The following GRIN2A variants were observed in gnomAD, a reference collection of about 807,000 sequenced individuals.
GRIN2A encodes glutamate ionotropic receptor NMDA type subunit 2A.
A neutral mutation model predicts 113.4 loss-of-function variants in GRIN2A; 22 were observed. That is an observed-to-expected ratio of 0.19 (90% confidence interval 0.14 to 0.28). The LOEUF (loss-of-function observed/expected upper bound fraction) is 0.28. GRIN2A is among the 10% of genes least tolerant of loss of function. The pLI, the probability that GRIN2A is intolerant of heterozygous loss-of-function variation, is 1.00. For missense variants in GRIN2A, 1,502 were observed against 1,887.0 expected (o/e 0.80, Z 3.78); for synonymous variants, 827 against 738.4 (o/e 1.12, Z -1.94).
At chr16:10,181,285 C>A (rs890549169) in intron 1 of GRIN2A, among the ~76,000 whole-genome samples, 2 of 150,308 alleles carry the variant, frequency 1.3e-5, no homozygotes, top group Non-Finnish European at 3.0e-5. Context: ...GGAGAGTAGG[C>A]GCGTCCCCCC....
In GRIN2A at chr16:9,952,000, T is replaced by C. The variant is rs1306583627; in HGVS notation, c.415-13449A>G. Among the ~76,000 whole-genome samples the C allele has an allele frequency of 2.0e-5, 3 of 152,248 alleles. No individual in the cohort carries two copies. The South Asian group carries it at 6.2e-4, about 32-fold the overall frequency. ...CCAGTGACCTCCCAGCCCCCAACGA[T>C]ACCGCTCACCCTTGGGTATTTCATA... On this transcript the variant is annotated intron_variant, in intron 2 of 12. Transcript: ENST00000330684.
At chr16:10,161,554 C>T (rs79068357) in intron 2 of GRIN2A, among the ~76,000 whole-genome samples, 3,163 of 152,304 alleles carry the variant, frequency 0.021, 132 homozygotes, top group African/African-American at 0.071. Context: ...AGAGAAAAGG[C>T]CACAAAGGGC....
In GRIN2A at chr16:9,849,861, A is replaced by G. The variant is rs1431001691; in HGVS notation, c.1223T>C (p.Ile408Thr). The G allele has an allele frequency of 6.2e-7, 1 of 1,613,860 alleles. No individual in the cohort carries two copies. Among genetic ancestry groups the G allele is most frequent in the Non-Finnish European group, 8.5e-7 (1 of 1,179,954 alleles). Residue 408 changes from isoleucine (I) to threonine (T), a missense_variant, in exon 5 of 13, where the codon ATC (isoleucine) becomes ACC (threonine). By Grantham distance (89) the Ile-to-Thr change is moderately conservative. Transcript: ENST00000330684. The part of the protein sequence containing the change: ...DCEPDDNHLS[I>T]VTLEEAPFVI... ...GAATGGGGCCTCCTCCAGGGTGACGATGCTGAGATGGTTGTCATCCGGCTC... is the reference window on the plus strand; with the variant it reads ...GAATGGGGCCTCCTCCAGGGTGACGGTGCTGAGATGGTTGTCATCCGGCTC...
rs550081444 is a variant in GRIN2A, at chr16:9,757,740, T to C, written c.*5409A>G. On this transcript the variant is annotated 3_prime_UTR_variant, in exon 13 of 13. Coordinates refer to ENST00000330684, the MANE Select transcript of GRIN2A (RefSeq NM_001134407.3). ...TTTGAGGTTTTAAACAATATCCCTG[T>C]TGATTTTTCCTAAGGAGACGGTCTC... 4.6e-6 allele frequency: 1 copy of C among 216,918 alleles called. No individual in the cohort carries two copies. The highest frequency in any genetic ancestry group is 1.9e-4 in the South Asian group (1 of 5,384). The allele number at this position is 216,918 out of a possible 1,614,324, so 13.4% of individuals were successfully genotyped here. A position where few individuals can be genotyped will look rare whatever the true frequency, so the allele number is the denominator to read the frequency against.
intron 2 of GRIN2A, among the ~76,000 whole-genome samples, chr16:9,967,904 T>A (rs1232364288): frequency 6.6e-6 from 1 of 152,092 alleles, no homozygotes; most frequent in Admixed American, 6.5e-5. Context: ...ATTAAAAAAA[T>A]TTTAAAACAG....
chr16:9,763,621 G>A lies in GRIN2A; in HGVS notation c.3923C>T (p.Ser1308Phe), dbSNP rs1393526899. Reference sequence around the variant, plus strand: ...CCTGTCCTTGAGGCTTATGCTCCGGGAGGGCCTGCTAAGGTCTAGCTCCCT... The same window carrying A: ...CCTGTCCTTGAGGCTTATGCTCCGGAAGGGCCTGCTAAGGTCTAGCTCCCT... Reference protein sequence around the residue: ...KPRELDLSRPSRSISLKDRER... With the variant: ...KPRELDLSRPFRSISLKDRER... The change falls in exon 13 of 13, where the codon TCC becomes TTC. Residue 1308 changes from serine to phenylalanine, a missense_variant. Physicochemically the swap from Ser to Phe is radical, Grantham distance 155. This residue lies in a region of GRIN2A where 832 missense variants were observed against 789.7 expected (regional missense o/e 1.05). Coordinates refer to ENST00000330684, the MANE Select transcript of GRIN2A (RefSeq NM_001134407.3). 1 of 1,613,354 alleles carries A rather than the reference G, an allele frequency of 6.2e-7. No individual in the cohort carries two copies. Among genetic ancestry groups the A allele is most frequent in the Non-Finnish European group, 8.5e-7 (1 of 1,180,002 alleles).
At chr16:9,974,633 T>C (rs2045740152) in intron 2 of GRIN2A, among the ~76,000 whole-genome samples, 1 of 152,178 alleles carries the variant, frequency 6.6e-6, no homozygotes, top group Admixed American at 6.5e-5. Flanking sequence ...GAGTTTTGTC[T>C]GCGGCTCGTC....
chr16:9,810,173 G>T (rs1371830192), intron 10 of GRIN2A, among the ~76,000 whole-genome samples: 1 of 152,204 alleles, frequency 6.6e-6, no homozygotes, highest in East Asian at 1.9e-4. Flanking sequence ...ATTACCACCT[G>T]ATGGTGGGAG....
chr16:9,966,575 C>T (rs900425038), intron 2 of GRIN2A, among the ~76,000 whole-genome samples: 4 of 152,166 alleles, frequency 2.6e-5, no homozygotes, highest in African/African-American at 9.7e-5. Context: ...AACAGTCCTG[C>T]AAGAACATAC....
intron 2 of GRIN2A, among the ~76,000 whole-genome samples, chr16:10,082,240 A>T (rs1436040562): frequency 2.0e-5 from 3 of 152,238 alleles, no homozygotes. Flanking sequence ...GGTAGTCTTA[A>T]CACAAAGATC....
At position 9,756,060 on chromosome 16, in the gene GRIN2A, A is replaced by G. The variant is rs148328605; in HGVS notation, c.*7089T>C. On this transcript the variant is annotated 3_prime_UTR_variant, in exon 13 of 13. Transcript: ENST00000330684. Reference sequence around the variant, plus strand: ...AATAGGAGGAATAGTCAACTTGCAAATAATATCACCTCTTTGAACATGGGT... The same window carrying G: ...AATAGGAGGAATAGTCAACTTGCAAGTAATATCACCTCTTTGAACATGGGT... The G allele has an allele frequency of 6.6e-4, 147 of 224,076 alleles. No individual in the cohort carries two copies. In the East Asian group the frequency reaches 9.2e-3, roughly 14 times the overall value. The allele number at this position is 224,076 out of a possible 1,614,324, so 13.9% of individuals were successfully genotyped here.
rs368522151 is a variant in GRIN2A at position 9,847,675 on chromosome 16, AATAT to A, written c.1328+2077_1328+2080del. ...GTTTTATATATTTTTAACACATAAA[AATAT>A]ATGTTTTATATTTTTTAACAAAAAT... is the stretch of plus-strand genomic sequence containing the variant. On this transcript the variant is annotated intron_variant, in intron 5 of 12. Coordinates refer to ENST00000330684, the MANE Select transcript of GRIN2A (RefSeq NM_001134407.3). 4.0e-3 allele frequency among the ~76,000 whole-genome samples: 602 copies of A among 149,730 alleles called. 4 individuals are homozygous for A. The highest frequency in any genetic ancestry group is 0.013 in the African/African-American group (549 of 40,884).
chr16:9,917,046 T>C (rs2044267059), intron 3 of GRIN2A, among the ~76,000 whole-genome samples: 1 of 152,194 alleles, frequency 6.6e-6, no homozygotes, highest in Admixed American at 6.5e-5. Context: ...TTATAAACAC[T>C]AAAATATTTC....
At chr16:10,130,671 T>C (rs1344259166) in intron 2 of GRIN2A, among the ~76,000 whole-genome samples, 7 of 152,230 alleles carry the variant, frequency 4.6e-5, no homozygotes, top group African/African-American at 7.2e-5. Context: ...GAGGATCTAA[T>C]TCAACAATGT....
intron 2 of GRIN2A, among the ~76,000 whole-genome samples, chr16:10,038,652 G>A (rs963099257): frequency 6.6e-6 from 1 of 151,726 alleles, no homozygotes; most frequent in Middle Eastern, 3.4e-3. Context: ...GATCATCCTG[G>A]CTAACATGGT....
chr16:10,009,044 T>C (rs2046454895), intron 2 of GRIN2A, among the ~76,000 whole-genome samples: 1 of 152,210 alleles, frequency 6.6e-6, no homozygotes, highest in African/African-American at 2.4e-5. Context: ...TGAAAATACG[T>C]TATATGTCAA....
At chr16:9,844,551 C>T (rs960575139) in intron 5 of GRIN2A, among the ~76,000 whole-genome samples, 2 of 152,126 alleles carry the variant, frequency 1.3e-5, no homozygotes, top group African/African-American at 4.8e-5. Flanking sequence ...CACCACCACC[C>T]AAGAGAGGGA....
rs1474002957 is a variant in GRIN2A, at chr16:9,759,039, A to G, written c.*4110T>C. The G allele has an allele frequency of 4.5e-6, 1 of 221,030 alleles. No homozygotes were observed. Among genetic ancestry groups the G allele is most frequent in the Admixed American group, 5.8e-5 (1 of 17,390 alleles). The allele number at this position is 221,030 out of a possible 1,614,324, so 13.7% of individuals were successfully genotyped here. On this transcript the variant is annotated 3_prime_UTR_variant, in exon 13 of 13. Transcript: ENST00000330684. ...AATACAAACAGGCTCCATTTCAGAAACAACGCATGTCCCCTTTTCAAGGAT... is the reference window on the plus strand; with the variant it reads ...AATACAAACAGGCTCCATTTCAGAAGCAACGCATGTCCCCTTTTCAAGGAT...
intron 2 of GRIN2A, among the ~76,000 whole-genome samples, chr16:10,060,694 A>G (rs1012444206): frequency 6.6e-6 from 1 of 152,214 alleles, no homozygotes; most frequent in Non-Finnish European, 1.5e-5. Flanking sequence ...TTCAACTTAC[A>G]GATGAGGAAA....
Sources: gnomAD v4.1 joint callset for allele counts (sites outside exome capture counted in the v4.1 genomes callset) on GRCh38, gnomAD v4.1.1 for gene constraint, gnomAD v4.1.1 regional missense constraint, MANE v1.5 for transcripts, NCBI Gene and HGNC (gene_info 2026-07-23, HGNC 2026-07-21) for gene names.